GALK2: variants seen among roughly 807,000 people sequenced by gnomAD.
The protein encoded by GALK2 is galactokinase 2, also known as N-acetylgalactosamine kinase.
Under a neutral mutation model 52.4 loss-of-function variants are expected in GALK2, and 36 were observed. The observed-to-expected ratio is 0.69, with a 90% CI of 0.53 to 0.91. The LOEUF (loss-of-function observed/expected upper bound fraction) is 0.91. GALK2 is among the 40% of genes least tolerant of loss of function. GALK2 has a pLI of 0.00. For synonymous variants in GALK2, 176 were observed against 199.1 expected, an observed-to-expected ratio of 0.88 and a Z score of 0.98; for missense variants, 579 against 559.1, an observed-to-expected ratio of 1.04 and a Z score of -0.36.
chr15:49,220,058 C>CTTTTTTTTT lies in GALK2; in HGVS notation c.266+2757_266+2765dup, dbSNP rs34707025. Among the ~76,000 whole-genome samples the CTTTTTTTTT allele has an allele frequency of 9.8e-4, 91 of 92,708 alleles. 2 individuals are homozygous for CTTTTTTTTT. The highest frequency in any genetic ancestry group is 1.5e-3 in the Non-Finnish European group (70 of 45,998). 60.8% of individuals were successfully genotyped at this position (92,708 alleles called of 152,430 possible). On this transcript the variant is annotated intron_variant, in intron 3 of 9. Coordinates refer to ENST00000560031, the MANE Select transcript of GALK2 (RefSeq NM_002044.4). ...TTTTGAGTTTCTTATAGATACAAGT[C>CTTTTTTTTT]TTTTTTTTTTTTTTTTTTTTGAGAC...
At chr15:49,162,489 C>T (rs987186392) in intron 1 of GALK2, among the ~76,000 whole-genome samples, 1 of 152,118 alleles carries the variant, frequency 6.6e-6, no homozygotes, top group Non-Finnish European at 1.5e-5. Flanking sequence ...TTTTGTTTCT[C>T]TTGGGTAATT....
In GALK2 at chr15:49,189,676, AC is replaced by A. The variant is rs1294038977; in HGVS notation, c.54-11485del. On this transcript the variant is annotated intron_variant, in intron 1 of 9. Transcript: ENST00000560031. Reference sequence around the variant, plus strand: ...ACAAGCACTGCAATATAGAGACAATACAGAGTCAAGCTGATAATGAGATGAC... The same window carrying A: ...ACAAGCACTGCAATATAGAGACAATAAGAGTCAAGCTGATAATGAGATGAC... Among the ~76,000 whole-genome samples, 15 of 152,262 alleles carry A rather than the reference AC, an allele frequency of 9.9e-5. No individual in the cohort carries two copies. The East Asian group carries it at 2.9e-3, about 29-fold the overall frequency.
chr15:49,255,290 T>C (rs952132134), intron 5 of GALK2, among the ~76,000 whole-genome samples: 2 of 143,604 alleles, frequency 1.4e-5, no homozygotes, highest in Admixed American at 1.4e-4. Context: ...ATCTGAAAAA[T>C]TAAAAAGAAA....
At chr15:49,186,762 C>G (rs2086378813) in intron 1 of GALK2, among the ~76,000 whole-genome samples, 2 of 152,146 alleles carry the variant, frequency 1.3e-5, no homozygotes, top group African/African-American at 4.8e-5. Flanking sequence ...TGGTCTCAAT[C>G]TCTTGACCTC....
At chr15:49,231,760 T>C (rs1421414347) in intron 3 of GALK2, among the ~76,000 whole-genome samples, 2 of 152,200 alleles carry the variant, frequency 1.3e-5, no homozygotes, top group Non-Finnish European at 2.9e-5. Flanking sequence ...AGGGAGTCAT[T>C]AAATCTTAAA....
intron 5 of GALK2, among the ~76,000 whole-genome samples, chr15:49,240,880 T>C (rs180917935): frequency 2.0e-5 from 3 of 152,254 alleles, no homozygotes; most frequent in East Asian, 3.9e-4. Context: ...ATCTGTATTT[T>C]AGAAAGATCT....
intron 9 of GALK2, 176 bp from the exon 10 acceptor site, chr15:49,327,776 A>G: frequency 1.9e-6 from 1 of 535,136 alleles, no homozygotes; most frequent in Non-Finnish European, 3.1e-6. Context: ...AAAAATTCCA[A>G]ATCACTCTCT....
chr15:49,191,401 C>A (rs1566920616), intron 1 of GALK2, among the ~76,000 whole-genome samples: 1 of 152,054 alleles, frequency 6.6e-6, no homozygotes, highest in East Asian at 1.9e-4. Context: ...AACTTTAGTA[C>A]CAGTACTACA....
intron 5 of GALK2, among the ~76,000 whole-genome samples, chr15:49,256,552 A>G (rs1008275570): frequency 5.9e-5 from 9 of 152,318 alleles, no homozygotes; most frequent in African/African-American, 1.7e-4. Context: ...TTCCTCATCT[A>G]TAGGAGGCAG....
chr15:49,225,721 A>G (rs1465370410), intron 3 of GALK2, among the ~76,000 whole-genome samples: 2 of 152,156 alleles, frequency 1.3e-5, no homozygotes, highest in Non-Finnish European at 2.9e-5. Flanking sequence ...TCCCTGCTCT[A>G]GCACTGGCTA....
rs191720533 is a variant in GALK2, at chr15:49,297,044, C to T, written c.967+4507C>T. ...CAATGGCTGAATTAATTTACGTTCT[C>T]ACTAGCAGTGTATAAACATTCCCTT... On this transcript the variant is annotated intron_variant, in intron 8 of 9. Coordinates refer to ENST00000560031, the MANE Select transcript of GALK2 (RefSeq NM_002044.4). 5.3e-4 allele frequency among the ~76,000 whole-genome samples: 81 copies of T among 152,336 alleles called. 1 individual carries two copies. In the East Asian group the frequency reaches 0.015, roughly 28 times the overall value.
intron 6 of GALK2, among the ~76,000 whole-genome samples, chr15:49,282,875 G>C (rs892980100): frequency 6.6e-6 from 1 of 152,112 alleles, no homozygotes; most frequent in Non-Finnish European, 1.5e-5. Context: ...AAATACTTTG[G>C]GTGTTTTGGA....
intron 3 of GALK2, among the ~76,000 whole-genome samples, chr15:49,363,876 A>T (rs911968790): frequency 1.3e-5 from 2 of 152,122 alleles, no homozygotes; most frequent in South Asian, 2.1e-4. Context: ...AGATAATCTT[A>T]TGGGTCTGTT....
intron 8 of GALK2, among the ~76,000 whole-genome samples, chr15:49,318,708 T>C (rs987096741): frequency 1.3e-5 from 2 of 152,154 alleles, no homozygotes; most frequent in Non-Finnish European, 2.9e-5. Flanking sequence ...ATATAATATT[T>C]TTATTTAAAA....
downstream of GALK2, among the ~76,000 whole-genome samples, chr15:49,333,188 T>C (rs1168374190): frequency 2.0e-5 from 3 of 152,150 alleles, no homozygotes; most frequent in African/African-American, 7.2e-5. Context: ...TACCATAAAA[T>C]TGACCCATTA....
At chr15:49,360,083 C>T (rs970750319) in intron 3 of GALK2, among the ~76,000 whole-genome samples, 1 of 104,196 alleles carries the variant, frequency 9.6e-6, no homozygotes, top group African/African-American at 4.0e-5. Context: ...ACTCTGGGGA[C>T]TGTTGTGGGG....
chr15:49,339,727 C>T (rs771445397), intron 3 of GALK2, among the ~76,000 whole-genome samples: 1 of 152,254 alleles, frequency 6.6e-6, no homozygotes. Flanking sequence ...TGCCTACAAC[C>T]GCCCCTTGCC....
At chr15:49,157,944 G>T (rs117208418) in intron 1 of GALK2, among the ~76,000 whole-genome samples, 5 of 152,066 alleles carry the variant, frequency 3.3e-5, no homozygotes, top group Admixed American at 6.6e-5. Flanking sequence ...AAATTTAAGG[G>T]TTATCATGAA....
At chr15:49,218,892 C>G (rs2141390317) in intron 3 of GALK2, among the ~76,000 whole-genome samples, 1 of 152,270 alleles carries the variant, frequency 6.6e-6, no homozygotes, top group African/African-American at 2.4e-5. Flanking sequence ...GTGGGGCGAT[C>G]TCAGCTCAAC....
Sources: gnomAD v4.1 joint callset for allele counts (sites outside exome capture counted in the v4.1 genomes callset) on GRCh38, gnomAD v4.1.1 for gene constraint, MANE v1.5 for transcripts, NCBI Gene and HGNC (gene_info 2026-07-23, HGNC 2026-07-21) for gene names.